The following GPR149 variants were observed in gnomAD, a reference collection of about 807,000 sequenced individuals.
GPR149 encodes the protein G protein-coupled receptor 149, also known as probable G protein-coupled receptor 149.
In GPR149, 50 loss-of-function variants were observed where a neutral mutation model predicts 50.2. The ratio of observed to expected loss-of-function variants is 1.00; its 90% confidence interval spans 0.79 to 1.26. The LOEUF (loss-of-function observed/expected upper bound fraction) is 1.26. GPR149 is among the 50% of genes most tolerant of loss of function. The probability of loss-of-function intolerance (pLI) is 0.00; values close to 1 mark genes in which losing one functional copy is unlikely to be tolerated. For synonymous variants in GPR149, 405 were observed against 358.2 expected, an observed-to-expected ratio of 1.13 and a Z score of -1.48; for missense variants, 983 against 895.4, an observed-to-expected ratio of 1.10 and a Z score of -1.25.
Position 154,428,915 on chromosome 3 carries a change from C to T in GPR149, c.701G>A (p.Arg234His), listed in dbSNP as rs748890689. 1 of 1,614,058 alleles carries T rather than the reference C, an allele frequency of 6.2e-7. No homozygotes were observed. Among genetic ancestry groups the T allele is most frequent in the South Asian group, 1.1e-5 (1 of 91,072 alleles). The change falls in exon 1 of 4, where the codon CGT (arginine) becomes CAT (histidine). Residue 234 changes from arginine to histidine, a missense_variant. Arg to His is a conservative substitution (Grantham distance 29, BLOSUM62 0). Transcript: ENST00000389740. The part of the protein sequence containing the change: ...RLHSNYQEIS[R>H]GASIPGTPPT... ...AGGGGTCCCAGGAATTGAAGCTCCA[C>T]GGGAAATTTCCTGGTAGTTGGAGTG...
chr3:154,339,649 T>C (rs1713739601), intron 3 of GPR149, among the ~76,000 whole-genome samples: 1 of 152,156 alleles, frequency 6.6e-6, no homozygotes, highest in Non-Finnish European at 1.5e-5. Flanking sequence ...CTATGGGCAT[T>C]TTCAATCTGG....
chr3:154,373,639 A>G (rs1185849120), intron 3 of GPR149, among the ~76,000 whole-genome samples: 5 of 152,204 alleles, frequency 3.3e-5, no homozygotes, highest in African/African-American at 1.2e-4. Flanking sequence ...AGGAACAGAC[A>G]TGATTAGAAC....
rs773216721 is a variant in GPR149, at chr3:154,427,562, G to A, written c.1128C>T (p.Ile376=). ...RWTHLPCGCI[I]NCRQNAYAVA... The stretch of plus-strand genomic sequence containing the variant: ...CTGCATATGCGTTCTGCCTGCAGTT[G>A]ATGATGCAGCCACAGGGCAAGTGGG... Residue 376 remains isoleucine (I), a synonymous_variant, in exon 2 of 4, where the codon ATC becomes ATT. Coordinates refer to ENST00000389740, the MANE Select transcript of GPR149 (RefSeq NM_001038705.3). 8 of 1,613,896 alleles carry A rather than the reference G, an allele frequency of 5.0e-6. No homozygotes were observed. The East Asian group carries it at 1.6e-4, about 31-fold the overall frequency.
intron 3 of GPR149, among the ~76,000 whole-genome samples, chr3:154,398,348 A>G (rs922576068): frequency 6.6e-6 from 1 of 152,200 alleles, no homozygotes; most frequent in African/African-American, 2.4e-5. Flanking sequence ...AGGTTTTAAA[A>G]TGACAATATC....
At chr3:154,412,633 C>G (rs1711869234) in intron 3 of GPR149, among the ~76,000 whole-genome samples, 1 of 152,046 alleles carries the variant, frequency 6.6e-6, no homozygotes, top group Admixed American at 6.6e-5. Context: ...CTACCAAACA[C>G]TGCTGAAAGA....
chr3:154,422,862 G>A (rs900814793), intron 2 of GPR149, among the ~76,000 whole-genome samples: 2 of 151,706 alleles, frequency 1.3e-5, no homozygotes, highest in Non-Finnish European at 1.5e-5. Flanking sequence ...GAATGTGAAA[G>A]GTGAAGGAAC....
intron 3 of GPR149, among the ~76,000 whole-genome samples, chr3:154,394,743 T>C (rs1392181206): frequency 1.3e-5 from 2 of 152,028 alleles, no homozygotes. Context: ...TAACCAACTT[T>C]TAAAAATATG....
chr3:154,354,680 A>G (rs1221755682), intron 3 of GPR149: 1 of 339,052 alleles, frequency 2.9e-6, no homozygotes, highest in African/African-American at 2.3e-5. Flanking sequence ...GGTGCTCAGC[A>G]AAGAGTATAG....
chr3:154,374,314 ACAGGTGTGCTC>A (rs1714742132), intron 3 of GPR149, among the ~76,000 whole-genome samples: 1 of 151,818 alleles, frequency 6.6e-6, no homozygotes, highest in Non-Finnish European at 1.5e-5. Flanking sequence ...AGCCGAGATT[ACAGGTGTGCTC>A]CATGACACCC....
At position 154,425,234 on chromosome 3, in the gene GPR149, A is replaced by G. The variant is rs552296951; in HGVS notation, c.1174+2282T>C. Among the ~76,000 whole-genome samples, 64 of 152,206 alleles carry G rather than the reference A, an allele frequency of 4.2e-4. 1 individual carries two copies. Among genetic ancestry groups the G allele is most frequent in the Non-Finnish European group, 7.8e-4 (53 of 67,932 alleles). On this transcript the variant is annotated intron_variant, in intron 2 of 3. Transcript: ENST00000389740. ...AGTTGAGATGTATAATTATATTTAC[A>G]TCTTCAACATTAACCTATGATAAAT... is the stretch of plus-strand genomic sequence containing the variant.
Position 154,428,880 on chromosome 3 carries a change from C to T in GPR149, c.736G>A (p.Gly246Arg), listed in dbSNP as rs1300068920. ...TCTGGGGACAGGGAAACCACTCTCC[C>T]CGCAGTAGGAGGGGTCCCAGGAATT... ...ASIPGTPPTA[G>R]RVVSLSPEDA... The change falls in exon 1 of 4, where the codon GGG becomes AGG. Residue 246 changes from glycine to arginine, a missense_variant. Transcript: ENST00000389740. The T allele has an allele frequency of 3.1e-6, 5 of 1,613,862 alleles. No individual in the cohort carries two copies.
intron 3 of GPR149, among the ~76,000 whole-genome samples, chr3:154,371,757 G>A (rs1475052265): frequency 6.6e-6 from 1 of 152,138 alleles, no homozygotes; most frequent in Non-Finnish European, 1.5e-5. Flanking sequence ...ATAGAAAGTA[G>A]AAAAAAGGAG....
chr3:154,357,725 A>T (rs1714274487), intron 3 of GPR149, among the ~76,000 whole-genome samples: 1 of 152,242 alleles, frequency 6.6e-6, no homozygotes, highest in South Asian at 2.1e-4. Context: ...TGTGGAAGTC[A>T]GTGTGGCAAT....
intron 1 of GPR149, among the ~76,000 whole-genome samples, chr3:154,428,238 C>T (rs1215119958): frequency 6.6e-6 from 1 of 152,130 alleles, no homozygotes; most frequent in Non-Finnish European, 1.5e-5. Context: ...CCTCTCTAGG[C>T]GGGAATGGAA....
chr3:154,427,385 TCTCA>T, intron 2 of GPR149, 127 bp downstream of exon 2: 2 of 657,172 alleles, frequency 3.0e-6, no homozygotes, highest in Non-Finnish European at 2.5e-6. Context: ...TATAATTTCT[TCTCA>T]CTATTTACCA....
At chr3:154,421,770 AG>A (rs1712153321) in intron 2 of GPR149, among the ~76,000 whole-genome samples, 1 of 151,876 alleles carries the variant, frequency 6.6e-6, no homozygotes, top group South Asian at 2.1e-4. Context: ...ACAAAAACTT[AG>A]CCATACATTA....
intron 3 of GPR149, among the ~76,000 whole-genome samples, 153 bp downstream of exon 3, chr3:154,420,886 C>T (rs1027084947): frequency 1.4e-4 from 21 of 151,802 alleles, no homozygotes; most frequent in Non-Finnish European, 2.2e-4. Flanking sequence ...CAAAAGAGAC[C>T]TTGAAATAAA....
chr3:154,359,253 T>C (rs1477078834), intron 3 of GPR149, among the ~76,000 whole-genome samples: 1 of 152,228 alleles, frequency 6.6e-6, no homozygotes, highest in African/African-American at 2.4e-5. Context: ...GTTTGTATTC[T>C]TGTCAGTGAA....
At chr3:154,426,107 A>G (rs1195838004) in intron 2 of GPR149, among the ~76,000 whole-genome samples, 1 of 152,170 alleles carries the variant, frequency 6.6e-6, no homozygotes, top group Non-Finnish European at 1.5e-5. Flanking sequence ...TGTTTTTATA[A>G]GTGGCCCATA....
Sources: allele counts gnomAD v4.1 joint callset (sites outside exome capture counted in the v4.1 genomes callset), GRCh38; gene constraint gnomAD v4.1.1; transcripts MANE v1.5; gene names NCBI Gene and HGNC (gene_info 2026-07-23, HGNC 2026-07-21).